Variants in PDGFRL observed in about 807,000 individuals in gnomAD.
PDGFRL encodes the protein platelet-derived growth factor receptor-like protein.
PDGFRL carries 46 observed loss-of-function variants against 37.2 expected under a neutral mutation model. That is an observed-to-expected ratio of 1.24 (90% CI 0.98 to 1.58). The LOEUF is 1.58. PDGFRL is among the 40% of genes most tolerant of loss of function. PDGFRL has a pLI of 0.00. For missense variants in PDGFRL, 692 were observed against 467.6 expected (o/e 1.48, Z -4.43); for synonymous variants, 251 against 184.3 (o/e 1.36, Z -2.93).
At chr8:17,608,192 C>T (rs1156891888) in intron 2 of PDGFRL, among the ~76,000 whole-genome samples, 1 of 152,192 alleles carries the variant, frequency 6.6e-6, no homozygotes, top group Non-Finnish European at 1.5e-5. Context: ...TGGTCTCTGC[C>T]TTTCAGACCA....
chr8:17,601,220 A>G (rs1407964950), intron 2 of PDGFRL, among the ~76,000 whole-genome samples: 1 of 152,148 alleles, frequency 6.6e-6, no homozygotes, highest in Non-Finnish European at 1.5e-5. Context: ...GTAGTCTCTA[A>G]CCTTAGAGGG....
At chr8:17,623,022 C>T (rs1015672400) in intron 3 of PDGFRL, among the ~76,000 whole-genome samples, 1 of 152,204 alleles carries the variant, frequency 6.6e-6, no homozygotes, top group East Asian at 1.9e-4. Context: ...CCCGTATCTG[C>T]TTAGGAGAGT....
At chr8:17,605,168 G>A (rs549277180) in intron 2 of PDGFRL, among the ~76,000 whole-genome samples, 1 of 151,944 alleles carries the variant, frequency 6.6e-6, no homozygotes, top group Non-Finnish European at 1.5e-5. Context: ...AAGGAAGGAG[G>A]GAGAGAGACT....
chr8:17,632,270 C>G (rs1240852972), intron 4 of PDGFRL, among the ~76,000 whole-genome samples: 1 of 152,180 alleles, frequency 6.6e-6, no homozygotes, highest in African/African-American at 2.4e-5. Context: ...CTGCCCTAGA[C>G]TTATGTGAAT....
At chr8:17,578,342 AG>A (rs1803632468) in intron 1 of PDGFRL, among the ~76,000 whole-genome samples, 1 of 152,186 alleles carries the variant, frequency 6.6e-6, no homozygotes, top group Non-Finnish European at 1.5e-5. Context: ...TTTCTTTCCT[AG>A]GAAACTACAT....
chr8:17,577,202 C>A, upstream of PDGFRL: 1 of 1,587,602 alleles, frequency 6.3e-7, no homozygotes, highest in African/African-American at 1.3e-5. Flanking sequence ...CCTGCGTCCC[C>A]GCCCCGCGCA....
intron 3 of PDGFRL, among the ~76,000 whole-genome samples, chr8:17,624,547 C>T (rs559143342): frequency 6.6e-6 from 1 of 152,176 alleles, no homozygotes; most frequent in African/African-American, 2.4e-5. Context: ...ACATTACCAG[C>T]AGCAGAGCTT....
rs183860920 is a variant in PDGFRL, at chr8:17,607,278, C to T, written c.354-13773C>T. On this transcript the variant is annotated intron_variant, in intron 2 of 5. Coordinates refer to ENST00000251630, the MANE Select transcript of PDGFRL (RefSeq NM_001372073.1). ...TGGTCCCAAGGTTCTCTAGATCACC[C>T]ATTGCTCGTCGATCTAGTCATTAGA... Among the ~76,000 whole-genome samples, 30 of 150,542 alleles carry T rather than the reference C, an allele frequency of 2.0e-4. No homozygotes were observed. The East Asian group carries it at 4.6e-3, about 23-fold the overall frequency.
intron 3 of PDGFRL, among the ~76,000 whole-genome samples, chr8:17,621,794 G>C (rs552668067): frequency 6.6e-6 from 1 of 152,146 alleles, no homozygotes; most frequent in East Asian, 1.9e-4. Flanking sequence ...AAACTCCATA[G>C]GATGCTTCAC....
intron 3 of PDGFRL, among the ~76,000 whole-genome samples, chr8:17,625,405 C>T (rs1485279224): frequency 4.0e-5 from 6 of 151,884 alleles, no homozygotes; most frequent in Non-Finnish European, 8.8e-5. Context: ...CTGCCTTGGC[C>T]TCCCAAAGTG....
chr8:17,627,860 GTTAAAC>G (rs1445948108), intron 3 of PDGFRL, among the ~76,000 whole-genome samples: 1 of 151,740 alleles, frequency 6.6e-6, no homozygotes, highest in Non-Finnish European at 1.5e-5. Flanking sequence ...GGCTGGGCAT[GTTAAAC>G]TTTAACTTGT....
intron 5 of PDGFRL, among the ~76,000 whole-genome samples, chr8:17,640,969 G>C (rs111696044): frequency 6.6e-6 from 1 of 151,860 alleles, no homozygotes; most frequent in African/African-American, 2.4e-5. Context: ...TGGGACTGGC[G>C]GTGTGGTTCT....
In PDGFRL at chr8:17,642,606, T is replaced by TA. The variant is rs1805161519; in HGVS notation, c.940-4dup. ...TTGCTTCAGTCTTTGTGGGTGTCGT[T>TA]AAACAGGATGAAAGGCCTGTGACGA... On this transcript the variant is annotated splice_polypyrimidine_tract_variant and splice_region_variant and intron_variant, in intron 5 of 5. Transcript: ENST00000251630. The TA allele has an allele frequency of 6.3e-7, 1 of 1,590,252 alleles. No individual in the cohort carries two copies. The highest frequency in any genetic ancestry group is 1.7e-5 in the Admixed American group (1 of 59,956).
intron 3 of PDGFRL, among the ~76,000 whole-genome samples, chr8:17,623,789 G>T (rs1041988686): frequency 2.0e-5 from 3 of 150,312 alleles, no homozygotes; most frequent in South Asian, 2.1e-4. Flanking sequence ...CAGGAGGATC[G>T]CCTGAATCTC....
intron 4 of PDGFRL, among the ~76,000 whole-genome samples, chr8:17,633,685 C>T (rs1804906884): frequency 1.3e-5 from 2 of 152,176 alleles, no homozygotes; most frequent in Admixed American, 6.5e-5. Flanking sequence ...GGATGGTCAG[C>T]CACACACCTA....
chr8:17,638,715 T>G (rs1805024356), intron 5 of PDGFRL, among the ~76,000 whole-genome samples: 1 of 134,718 alleles, frequency 7.4e-6, no homozygotes, highest in Non-Finnish European at 1.6e-5. Flanking sequence ...GTTTTATAAA[T>G]TTGGGAGCTC....
chr8:17,629,342 C>G (rs1250038377), intron 4 of PDGFRL, among the ~76,000 whole-genome samples: 2 of 151,632 alleles, frequency 1.3e-5, no homozygotes, highest in Admixed American at 1.3e-4. Context: ...CCAGCCAAAT[C>G]CTTCCATCGT....
At chr8:17,634,040 G>A (rs780960127) in intron 4 of PDGFRL, 34 bp from the exon 5 acceptor site, 2 of 1,609,122 alleles carry the variant, frequency 1.2e-6, no homozygotes, top group Admixed American at 3.3e-5. Context: ...TTACACTCGG[G>A]GTCTCACTCT....
At chr8:17,585,524 C>T (rs931403242) in intron 1 of PDGFRL, among the ~76,000 whole-genome samples, 1 of 152,112 alleles carries the variant, frequency 6.6e-6, no homozygotes, top group Non-Finnish European at 1.5e-5. Flanking sequence ...GTGTGTGTTC[C>T]TGTGGGGTGT....
Sources: gnomAD v4.1 joint callset for allele counts (sites outside exome capture counted in the v4.1 genomes callset) on GRCh38, gnomAD v4.1.1 for gene constraint, MANE v1.5 for transcripts, NCBI Gene and HGNC (gene_info 2026-07-23, HGNC 2026-07-21) for gene names.